TOLLIP: variants seen among roughly 807,000 people sequenced by gnomAD.
TOLLIP encodes toll-interacting protein.
A neutral mutation model predicts 33.5 loss-of-function variants in TOLLIP; 16 were observed. The ratio of observed to expected loss-of-function variants is 0.48; its 90% CI spans 0.32 to 0.72. The LOEUF is 0.72. TOLLIP is among the 30% of genes least tolerant of loss of function. TOLLIP has a pLI of 0.03. For missense variants in TOLLIP, 325 were observed against 396.6 expected (o/e 0.82, Z 1.53); for synonymous variants, 176 against 163.7 (o/e 1.07, Z -0.57).
rs766415165 is a variant in TOLLIP at position 1,277,115 on chromosome 11, C to T, written c.749G>A (p.Arg250His). ...CCCTCGCTGGGCTTCCAGCACGGAG[C>T]GGATCACCTCCTGGTCCATGTTGGG... ...MFPNMDQEVIRSVLEAQRGNK... is the reference protein window; with the variant it reads ...MFPNMDQEVIHSVLEAQRGNK... Residue 250 changes from arginine to histidine, a missense_variant, in exon 6 of 6, where the codon CGC becomes CAC. By Grantham distance (29) the Arg-to-His change is conservative. Coordinates refer to ENST00000317204, the MANE Select transcript of TOLLIP (RefSeq NM_019009.4). The surrounding 1 kb of genome is among the most constrained non-coding windows in gnomAD (Gnocchi z 4.2). 9.3e-6 allele frequency: 15 copies of T among 1,614,126 alleles called. No individual in the cohort carries two copies. The highest frequency in any genetic ancestry group is 1.2e-5 in the Non-Finnish European group (14 of 1,180,012).
chr11:1,309,147 G>T (rs1265604069), intron 1 of TOLLIP, among the ~76,000 whole-genome samples: 4 of 152,082 alleles, frequency 2.6e-5, no homozygotes, highest in Non-Finnish European at 5.9e-5. Context: ...CTCCCTCTGG[G>T]GCACCATGGG....
chr11:1,297,508 C>G (rs1436744340), intron 1 of TOLLIP, among the ~76,000 whole-genome samples: 1 of 152,268 alleles, frequency 6.6e-6, no homozygotes, highest in Non-Finnish European at 1.5e-5. Flanking sequence ...GCACCCCAAC[C>G]TGAGCAGCCA....
At chr11:1,301,862 G>A (rs933680092) in intron 1 of TOLLIP, among the ~76,000 whole-genome samples, 4 of 152,346 alleles carry the variant, frequency 2.6e-5, no homozygotes, top group South Asian at 4.1e-4. Flanking sequence ...TAAATCCCCC[G>A]TAGTAGGAAC....
chr11:1,306,995 T>C (rs1864438003), intron 1 of TOLLIP, among the ~76,000 whole-genome samples: 1 of 151,906 alleles, frequency 6.6e-6, no homozygotes, highest in African/African-American at 2.4e-5. Context: ...ACGCTTAAGA[T>C]CACAGACCCA....
In TOLLIP at chr11:1,277,129, G is replaced by A; in HGVS notation, c.735C>T (p.Asp245=). ...KAIQDMFPNM[D]QEVIRSVLEA... is the part of the protein sequence containing the mutation. ...CCAGCACGGAGCGGATCACCTCCTGGTCCATGTTGGGGAACATGTCCTGGA... is the reference window on the plus strand; with the variant it reads ...CCAGCACGGAGCGGATCACCTCCTGATCCATGTTGGGGAACATGTCCTGGA... The change falls in exon 6 of 6, where the codon GAC becomes GAT. Residue 245 remains aspartate (D), a synonymous_variant. Coordinates refer to ENST00000317204, the MANE Select transcript of TOLLIP (RefSeq NM_019009.4). This position sits in a 1 kb window ranked among gnomAD's most constrained non-coding sequence, Gnocchi z 4.2. The A allele has an allele frequency of 6.2e-7, 1 of 1,614,100 alleles. No individual in the cohort carries two copies. Among genetic ancestry groups the A allele is most frequent in the East Asian group, 2.2e-5 (1 of 44,890 alleles).
In TOLLIP at chr11:1,303,283, A is replaced by G. The variant is rs759644394; in HGVS notation, c.33+6183T>C. Among the ~76,000 whole-genome samples the G allele has an allele frequency of 3.9e-5, 6 of 152,092 alleles. No individual in the cohort carries two copies. Among genetic ancestry groups the G allele is most frequent in the Non-Finnish European group, 8.8e-5 (6 of 68,028 alleles). On this transcript the variant is annotated intron_variant, in intron 1 of 5. Coordinates refer to ENST00000317204, the MANE Select transcript of TOLLIP (RefSeq NM_019009.4). The surrounding 1 kb of genome is among the most constrained non-coding windows in gnomAD (Gnocchi z 4.2). Reference sequence around the variant, plus strand: ...AGGCAGAGGCGGAAAACCCCTTCTCATTCAGATGAAACAAAAGCCAGTCAA... The same window carrying G: ...AGGCAGAGGCGGAAAACCCCTTCTCGTTCAGATGAAACAAAAGCCAGTCAA...
Position 1,285,591 on chromosome 11 carries a change from G to A in TOLLIP, c.610+411C>T, listed in dbSNP as rs5743980. ...GAGCGTGAGGTTCAGACACAACGGC[G>A]CAGCGCAGGGCACGCGTCACCCAAT... On this transcript the variant is annotated intron_variant, in intron 5 of 5. Transcript: ENST00000317204. 2.5e-3 allele frequency among the ~76,000 whole-genome samples: 382 copies of A among 152,206 alleles called. 4 individuals are homozygous for A. Among genetic ancestry groups the A allele is most frequent in the African/African-American group, 8.9e-3 (371 of 41,516 alleles).
At position 1,276,648 on chromosome 11, in the gene TOLLIP, C is replaced by T. The variant is rs751232717; in HGVS notation, c.*391G>A. 22 of 1,319,010 alleles carry T rather than the reference C, an allele frequency of 1.7e-5. 1 individual carries two copies. The South Asian group carries it at 2.7e-4, about 16-fold the overall frequency. 81.7% of individuals were successfully genotyped at this position (1,319,010 alleles called of 1,614,324 possible). ...TTGTGTGTGCCTTAAATCAACAGCT[C>T]TATTCCAATTACATCACATCACAAA... On this transcript the variant is annotated 3_prime_UTR_variant, in exon 6 of 6. Coordinates refer to ENST00000317204, the MANE Select transcript of TOLLIP (RefSeq NM_019009.4).
At chr11:1,287,282 G>A (rs1347636202) in intron 4 of TOLLIP, among the ~76,000 whole-genome samples, 1 of 152,204 alleles carries the variant, frequency 6.6e-6, no homozygotes, top group African/African-American at 2.4e-5. Context: ...GACGTGTCAT[G>A]AGACATTTAC....
At chr11:1,297,802 G>A (rs1471121472) in intron 1 of TOLLIP, among the ~76,000 whole-genome samples, 4 of 152,232 alleles carry the variant, frequency 2.6e-5, no homozygotes, top group Non-Finnish European at 5.9e-5. Context: ...CCTCCCCCAG[G>A]CAGCCTCTCT....
At chr11:1,301,560 C>T (rs1864278908) in intron 1 of TOLLIP, among the ~76,000 whole-genome samples, 1 of 152,122 alleles carries the variant, frequency 6.6e-6, no homozygotes, top group Non-Finnish European at 1.5e-5. Flanking sequence ...GCACACACGG[C>T]CGCCAAACCC....
chr11:1,279,300 G>A (rs572654089), intron 5 of TOLLIP, among the ~76,000 whole-genome samples: 5 of 152,360 alleles, frequency 3.3e-5, no homozygotes, highest in Admixed American at 1.3e-4. Context: ...TGGGCTGAGG[G>A]GCAGTGGCCT....
rs776885230 is a variant in TOLLIP at position 1,303,142 on chromosome 11, T to C, written c.33+6324A>G. 3.9e-5 allele frequency among the ~76,000 whole-genome samples: 6 copies of C among 152,116 alleles called. No individual in the cohort carries two copies. The East Asian group carries it at 1.2e-3, about 29-fold the overall frequency. On this transcript the variant is annotated intron_variant, in intron 1 of 5. Coordinates refer to ENST00000317204, the MANE Select transcript of TOLLIP (RefSeq NM_019009.4). The surrounding 1 kb of genome is among the most constrained non-coding windows in gnomAD (Gnocchi z 4.2). The stretch of plus-strand genomic sequence containing the variant: ...TGAAAGGGAAGAGTACAGGACAGAA[T>C]GAGAATAAGCATAGATTATAAAAGC...
At position 1,303,792 on chromosome 11, in the gene TOLLIP, T is replaced by C. The variant is rs573145835; in HGVS notation, c.33+5674A>G. Among the ~76,000 whole-genome samples the C allele has an allele frequency of 1.3e-5, 2 of 152,024 alleles. No individual in the cohort carries two copies. Among genetic ancestry groups the C allele is most frequent in the Non-Finnish European group, 2.9e-5 (2 of 68,002 alleles). ...GGCTCACGCCTGTAATCCCAAAACT[T>C]TGGGAGGCTGAGGTGGGCGGATCAC... is the stretch of plus-strand genomic sequence containing the variant. On this transcript the variant is annotated intron_variant, in intron 1 of 5. Coordinates refer to ENST00000317204, the MANE Select transcript of TOLLIP (RefSeq NM_019009.4). The surrounding 1 kb of genome is among the most constrained non-coding windows in gnomAD (Gnocchi z 4.2).
At chr11:1,284,193 C>T (rs904051270) in intron 5 of TOLLIP, among the ~76,000 whole-genome samples, 1 of 152,178 alleles carries the variant, frequency 6.6e-6, no homozygotes, top group Non-Finnish European at 1.5e-5. Flanking sequence ...GTTTCTCTGC[C>T]AAGGTGCTGG....
At chr11:1,286,171 A>C in intron 4 of TOLLIP, 79 bp from the exon 5 acceptor site, 2 of 1,123,568 alleles carry the variant, frequency 1.8e-6, no homozygotes, top group East Asian at 2.6e-5. Context: ...CCTCCCCACA[A>C]TTGCCCTCCC....
chr11:1,300,412 T>C (rs933588533), intron 1 of TOLLIP, among the ~76,000 whole-genome samples: 1 of 152,258 alleles, frequency 6.6e-6, no homozygotes, highest in East Asian at 1.9e-4. Flanking sequence ...TTCACTTCTA[T>C]TTAAAACAAT....
At chr11:1,291,694 G>T (rs1486455708) in intron 2 of TOLLIP, 1 of 140,500 alleles carries the variant, frequency 7.1e-6, no homozygotes, top group African/African-American at 3.0e-5. Flanking sequence ...GGGCACGGCC[G>T]CCCCGTCCTC....
At chr11:1,281,589 G>C (rs1863498909) in intron 5 of TOLLIP, among the ~76,000 whole-genome samples, 1 of 152,246 alleles carries the variant, frequency 6.6e-6, no homozygotes, top group African/African-American at 2.4e-5. Context: ...GAATGAACGA[G>C]CGGCTGAAGG....
Sources: allele counts gnomAD v4.1 joint callset (sites outside exome capture counted in the v4.1 genomes callset), GRCh38; gene constraint gnomAD v4.1.1; non-coding constraint Gnocchi (gnomAD v3.1); transcripts MANE v1.5; gene names NCBI Gene and HGNC (gene_info 2026-07-23, HGNC 2026-07-21).